The following STXBP5 variants were observed in gnomAD, a reference collection of about 807,000 sequenced individuals.
The protein encoded by STXBP5 is syntaxin binding protein 5, also known as syntaxin-binding protein 5.
STXBP5 carries 50 observed loss-of-function variants against 152.4 expected under a neutral mutation model. The ratio of observed to expected loss-of-function variants is 0.33; its 90% CI spans 0.26 to 0.42. The LOEUF is 0.42. Among genes scored for constraint, STXBP5 ranks in the 10% least tolerant of loss-of-function variants. The probability of loss-of-function intolerance (pLI) is 1.00; values close to 1 mark genes in which losing one functional copy is unlikely to be tolerated. For synonymous variants in STXBP5, 492 were observed against 494.7 expected, an observed-to-expected ratio of 0.99 and a Z score of 0.07; for missense variants, 1,167 against 1,388.6, an observed-to-expected ratio of 0.84 and a Z score of 2.54.
intron 10 of STXBP5, 26 bp from the exon 11 acceptor site, chr6:147,311,429 A>G (rs1782369394): frequency 1.9e-6 from 3 of 1,598,318 alleles, no homozygotes; most frequent in Non-Finnish European, 2.6e-6. Context: ...TTTTGAAACT[A>G]TAATTCATGC....
Position 147,382,769 on chromosome 6 carries a change from T to C in STXBP5, c.3194-9T>C, listed in dbSNP as rs369279422. ...TTGAGTTACTCTTTGATTTATCAAA[T>C]GTGTTCAGTTGGAGAATCGTCCTCA... On this transcript the variant is annotated splice_polypyrimidine_tract_variant and intron_variant, in intron 26 of 27. Transcript: ENST00000321680. The C allele has an allele frequency of 6.2e-5, 100 of 1,612,588 alleles. No individual in the cohort carries two copies. In the African/African-American group the frequency reaches 1.2e-3, roughly 19 times the overall value.
chr6:147,235,459 A>C (rs1401826407), intron 3 of STXBP5, 128 bp downstream of exon 3: 1 of 690,938 alleles, frequency 1.4e-6, no homozygotes, highest in Non-Finnish European at 2.4e-6. Flanking sequence ...AATGGATCAG[A>C]AATAGTAGTA....
Position 147,211,292 on chromosome 6 carries a change from G to C in STXBP5, c.248+5224G>C, listed in dbSNP as rs1018150136. Reference sequence around the variant, plus strand: ...CCACTGCATTCCAGCCTGGGCAACAGAGCAAGACTCTGTCTCAAAAAAAAA... The same window carrying C: ...CCACTGCATTCCAGCCTGGGCAACACAGCAAGACTCTGTCTCAAAAAAAAA... On this transcript the variant is annotated intron_variant, in intron 2 of 27. Coordinates refer to ENST00000321680, the MANE Select transcript of STXBP5 (RefSeq NM_001127715.4). 4.2e-5 allele frequency among the ~76,000 whole-genome samples: 6 copies of C among 143,800 alleles called. No homozygotes were observed. In the Admixed American group the frequency reaches 4.3e-4, roughly 10 times the overall value. The allele number at this position is 143,800 out of a possible 152,430, so 94.3% of individuals were successfully genotyped here. A position where few individuals can be genotyped will look rare whatever the true frequency, so the allele number is the denominator to read the frequency against.
intron 2 of STXBP5, among the ~76,000 whole-genome samples, chr6:147,219,970 G>A (rs75635913): frequency 0.016 from 2,469 of 151,642 alleles, 62 homozygotes; most frequent in African/African-American, 0.055. Flanking sequence ...TAAAGCAGAA[G>A]TGATTGATTT....
chr6:147,223,236 A>G (rs1008218428), intron 2 of STXBP5, among the ~76,000 whole-genome samples: 2 of 152,210 alleles, frequency 1.3e-5, no homozygotes, highest in Non-Finnish European at 2.9e-5. Context: ...AGGTGCAACT[A>G]TGGAATGGGG....
chr6:147,307,451 A>G (rs1782151222), intron 9 of STXBP5, among the ~76,000 whole-genome samples: 1 of 152,172 alleles, frequency 6.6e-6, no homozygotes, highest in Non-Finnish European at 1.5e-5. Context: ...GGAACTTTTA[A>G]TACAATTCCA....
At chr6:147,302,270 T>C (rs1781859632) in intron 9 of STXBP5, among the ~76,000 whole-genome samples, 1 of 152,042 alleles carries the variant, frequency 6.6e-6, no homozygotes, top group Admixed American at 6.5e-5. Context: ...TATTTTGTCT[T>C]GAAAGACACC....
rs373921253 is a variant in STXBP5 at position 147,310,040 on chromosome 6, C to A, written c.918-44C>A. 7 of 1,309,230 alleles carry A rather than the reference C, an allele frequency of 5.3e-6. No homozygotes were observed. In the African/African-American group the frequency reaches 9.1e-5, roughly 17 times the overall value. 81.1% of individuals were successfully genotyped at this position (1,309,230 alleles called of 1,614,324 possible). A position where few individuals can be genotyped will look rare whatever the true frequency, so the allele number is the denominator to read the frequency against. On this transcript the variant is annotated intron_variant, in intron 9 of 27. Coordinates refer to ENST00000321680, the MANE Select transcript of STXBP5 (RefSeq NM_001127715.4). ...AATTATGATGTAGCAAGAAAATTAT[C>A]TTTACTATGCCATTAATAATCTTAA...
At chr6:147,370,107 G>C (rs974996232) in intron 25 of STXBP5, among the ~76,000 whole-genome samples, 1 of 151,958 alleles carries the variant, frequency 6.6e-6, no homozygotes, top group African/African-American at 2.4e-5. Flanking sequence ...CAACATCAGT[G>C]AATCTCAGAA....
At position 147,359,165 on chromosome 6, in the gene STXBP5, C is replaced by T. The variant is rs1445881766; in HGVS notation, c.2387C>T (p.Ala796Val). The change falls in exon 23 of 28, where the codon GCT becomes GTT. Residue 796 changes from alanine to valine, a missense_variant. Physicochemically the swap from Ala to Val is moderately conservative, Grantham distance 64 (BLOSUM62 0). Around this residue, in one of 3 missense-constraint regions of STXBP5, gnomAD observed 833 missense variants for 986.3 expected, o/e 0.84. Transcript: ENST00000321680. ...IDKESREAIS[A>V]LHFCETFTRK... ...AAAGAATCCCGAGAAGCGATCTCCG[C>T]TCTTCATTTCTGTGAAACGTTTACT... 6.2e-7 allele frequency: 1 copy of T among 1,614,060 alleles called. No individual in the cohort carries two copies. Among genetic ancestry groups the T allele is most frequent in the South Asian group, 1.1e-5 (1 of 91,088 alleles).
chr6:147,328,121 C>G (rs1251678097), intron 18 of STXBP5, among the ~76,000 whole-genome samples: 2 of 152,152 alleles, frequency 1.3e-5, no homozygotes, highest in Non-Finnish European at 2.9e-5. Context: ...TACTGTAATA[C>G]CTCAAGGTAC....
intron 16 of STXBP5, among the ~76,000 whole-genome samples, chr6:147,317,482 G>A (rs114288372): frequency 7.6e-4 from 115 of 152,252 alleles, no homozygotes; most frequent in African/African-American, 2.7e-3. Flanking sequence ...GACACAACAT[G>A]AGGAAGGGAG....
At chr6:147,376,172 C>T (rs1408284647) in intron 26 of STXBP5, among the ~76,000 whole-genome samples, 1 of 152,106 alleles carries the variant, frequency 6.6e-6, no homozygotes, top group Non-Finnish European at 1.5e-5. Context: ...TAACATAGCC[C>T]AAAATATGTC....
chr6:147,307,952 A>G (rs1177683054), intron 9 of STXBP5, among the ~76,000 whole-genome samples: 1 of 152,146 alleles, frequency 6.6e-6, no homozygotes, highest in Non-Finnish European at 1.5e-5. Context: ...CTTTGTGGAC[A>G]TTTTATTCTG....
Position 147,383,821 on chromosome 6 carries a change from G to A in STXBP5, c.3414+823G>A, listed in dbSNP as rs555434868. 5.3e-5 allele frequency among the ~76,000 whole-genome samples: 8 copies of A among 152,024 alleles called. No homozygotes were observed. The South Asian group carries it at 1.2e-3, about 24-fold the overall frequency. The stretch of plus-strand genomic sequence containing the variant: ...TCATTTCCTCCTTGCTCAAAAATGC[G>A]GAAATCTAGAATGCATGAAGAGGTA... On this transcript the variant is annotated intron_variant, in intron 27 of 27. Coordinates refer to ENST00000321680, the MANE Select transcript of STXBP5 (RefSeq NM_001127715.4).
chr6:147,346,235 G>A (rs542043615), intron 21 of STXBP5, among the ~76,000 whole-genome samples: 1 of 152,236 alleles, frequency 6.6e-6, no homozygotes, highest in Admixed American at 6.5e-5. Flanking sequence ...TGGGACTCCT[G>A]AGAATTAGAA....
intron 16 of STXBP5, among the ~76,000 whole-genome samples, chr6:147,322,602 G>C (rs1472823987): frequency 1.3e-5 from 2 of 152,188 alleles, no homozygotes; most frequent in Admixed American, 6.5e-5. Flanking sequence ...TAGTCTTCCT[G>C]CTGTTCTCTC....
intron 22 of STXBP5, 70 bp from the exon 23 acceptor site, chr6:147,359,014 A>G (rs1459899175): frequency 4.6e-6 from 7 of 1,536,424 alleles, no homozygotes; most frequent in Non-Finnish European, 6.1e-6. Context: ...GACCAAATTT[A>G]TATTAAAAAA....
chr6:147,268,042 A>G (rs189657032), intron 7 of STXBP5, among the ~76,000 whole-genome samples: 1 of 152,230 alleles, frequency 6.6e-6, no homozygotes, highest in African/African-American at 2.4e-5. Context: ...CTTTTCCTTT[A>G]TTTTAGTATT....
Sources: allele counts gnomAD v4.1 joint callset (sites outside exome capture counted in the v4.1 genomes callset), GRCh38; gene constraint gnomAD v4.1.1; regional missense constraint gnomAD v4.1.1; transcripts MANE v1.5; gene names NCBI Gene and HGNC (gene_info 2026-07-23, HGNC 2026-07-21).